Variants in AHR observed in about 807,000 individuals in gnomAD.
AHR encodes the protein aryl hydrocarbon receptor.
A neutral mutation model predicts 86.8 loss-of-function variants in AHR; 40 were observed. That is an observed-to-expected ratio of 0.46 (90% CI 0.36 to 0.60). AHR has a LOEUF of 0.60. AHR is among the 20% of genes least tolerant of loss of function. AHR has a pLI of 0.00. For missense variants in AHR, 1,001 were observed against 1,011.6 expected (o/e 0.99, Z 0.14); for synonymous variants, 398 against 354.9 (o/e 1.12, Z -1.37).
In AHR at chr7:17,309,937, G is replaced by A. The variant is rs140254348; in HGVS notation, c.67G>A (p.Val23Ile). The change falls in exon 2 of 11, where the codon GTA (valine) becomes ATA (isoleucine). Residue 23 changes from valine (V) to isoleucine (I), a missense_variant and splice_region_variant. By Grantham distance (29) the Val-to-Ile change is conservative (BLOSUM62 3). Transcript: ENST00000242057. ...TATGGTATTTTGTTTGTTTTTCAGA[G>A]TAAAGCCAATCCCAGCTGAAGGAAT... ...RKRRKPVQKT[V>I]KPIPAEGIKS... 2.6e-6 allele frequency: 4 copies of A among 1,567,144 alleles called. No homozygotes were observed. Among genetic ancestry groups the A allele is most frequent in the African/African-American group, 1.3e-5 (1 of 74,322 alleles).
chr7:17,310,107 C>T lies in AHR; in HGVS notation c.237C>T (p.Ala79=), dbSNP rs1341203218. The T allele has an allele frequency of 6.2e-7, 1 of 1,613,424 alleles. No individual in the cohort carries two copies. Residue 79 remains alanine, a synonymous_variant, in exon 2 of 11, where the codon GCC becomes GCT. Transcript: ENST00000242057. ...VLRLSVSYLR[A]KSFFDVALKS... is the part of the protein sequence containing the mutation. ...GGCTCAGCGTCAGTTACCTGAGAGC[C>T]AAGAGCTTCTTTGATGGTAAGACAG...
At chr7:17,319,415 T>C (rs1268764088) in intron 2 of AHR, among the ~76,000 whole-genome samples, 1 of 152,172 alleles carries the variant, frequency 6.6e-6, no homozygotes, top group Non-Finnish European at 1.5e-5. Flanking sequence ...GAGGTCTGGC[T>C]ACCTGAGTTT....
chr7:17,332,001 A>G lies in AHR; in HGVS notation c.705+1115A>G, dbSNP rs555896647. Among the ~76,000 whole-genome samples the G allele has an allele frequency of 4.6e-5, 7 of 152,096 alleles. No homozygotes were observed. The South Asian group carries it at 1.2e-3, about 27-fold the overall frequency. On this transcript the variant is annotated intron_variant, in intron 6 of 10. Coordinates refer to ENST00000242057, the MANE Select transcript of AHR (RefSeq NM_001621.5). ...GTTTTCCCAGTGTTATTGCTCATGA[A>G]CAATTAGTATGTAGAGTCATGTCCT... is the stretch of plus-strand genomic sequence containing the variant.
At chr7:17,321,361 AT>A (rs567734856) in intron 2 of AHR, among the ~76,000 whole-genome samples, 29 of 149,268 alleles carry the variant, frequency 1.9e-4, no homozygotes, top group East Asian at 7.8e-4. Context: ...GTGCTTTAAA[AT>A]TTTTTTTTTT....
chr7:17,323,623 C>A lies in AHR; in HGVS notation c.360+1016C>A, dbSNP rs1020732723. Among the ~76,000 whole-genome samples, 14 of 152,132 alleles carry A rather than the reference C, an allele frequency of 9.2e-5. No individual in the cohort carries two copies. In the East Asian group the frequency reaches 2.7e-3, roughly 29 times the overall value. Reference sequence around the variant, plus strand: ...CACTGAACTGACTAGAAAAACTTCACCATTGTTACAAAAAGTAACCCTAAG... The same window carrying A: ...CACTGAACTGACTAGAAAAACTTCAACATTGTTACAAAAAGTAACCCTAAG... On this transcript the variant is annotated intron_variant, in intron 3 of 10. Transcript: ENST00000242057.
In AHR at chr7:17,298,785, G is replaced by A. The variant is rs1584025883; in HGVS notation, c.-480G>A. 1 of 398,148 alleles carries A rather than the reference G, an allele frequency of 2.5e-6. No homozygotes were observed. The highest frequency in any genetic ancestry group is 4.4e-6 in the Non-Finnish European group (1 of 225,746). 24.7% of individuals were successfully genotyped at this position (398,148 alleles called of 1,614,324 possible). A position where few individuals can be genotyped will look rare whatever the true frequency, so the allele number is the denominator to read the frequency against. ...TGGTGGCCCGCGCCCGAGCTCCGCAGGCGGGAAGCACCCTGGATTTAGGAA... is the reference window on the plus strand; with the variant it reads ...TGGTGGCCCGCGCCCGAGCTCCGCAAGCGGGAAGCACCCTGGATTTAGGAA... On this transcript the variant is annotated 5_prime_UTR_variant, in exon 1 of 11. Transcript: ENST00000242057.
At chr7:17,302,770 C>T (rs1584027805) in intron 1 of AHR, among the ~76,000 whole-genome samples, 1 of 151,386 alleles carries the variant, frequency 6.6e-6, no homozygotes, top group African/African-American at 2.4e-5. Context: ...CAGTCAGCAC[C>T]TGTACTGCTA....
intron 2 of AHR, among the ~76,000 whole-genome samples, chr7:17,316,717 A>G (rs960693587): frequency 6.6e-6 from 1 of 152,146 alleles, no homozygotes; most frequent in Admixed American, 6.6e-5. Context: ...AAATTTTCTC[A>G]TACAATTGTC....
At chr7:17,337,023 A>G (rs949532355) in intron 9 of AHR, among the ~76,000 whole-genome samples, 1 of 152,090 alleles carries the variant, frequency 6.6e-6, no homozygotes, top group Non-Finnish European at 1.5e-5. Flanking sequence ...ACAGCATTAC[A>G]ACCCTCATCT....
chr7:17,301,831 G>A lies in AHR; in HGVS notation c.65+2502G>A, dbSNP rs932131568. ...AGTAATGAAGGTTGGGAAATTAAAGGCTCTGAAGCAACTTTACGTCCAATT... is the reference window on the plus strand; with the variant it reads ...AGTAATGAAGGTTGGGAAATTAAAGACTCTGAAGCAACTTTACGTCCAATT... On this transcript the variant is annotated intron_variant, in intron 1 of 10. Transcript: ENST00000242057. 2.6e-5 allele frequency among the ~76,000 whole-genome samples: 4 copies of A among 151,828 alleles called. No individual in the cohort carries two copies. In the East Asian group the frequency reaches 7.7e-4, roughly 29 times the overall value.
chr7:17,315,956 T>G (rs1414403897), intron 2 of AHR, among the ~76,000 whole-genome samples: 3 of 152,238 alleles, frequency 2.0e-5, no homozygotes, highest in African/African-American at 7.2e-5. Context: ...GCCATTAAAG[T>G]GAATAAAATA....
chr7:17,308,700 AAC>A (rs372879452), intron 1 of AHR, among the ~76,000 whole-genome samples: 3,623 of 138,820 alleles, frequency 0.026, 70 homozygotes, highest in African/African-American at 0.035. Context: ...TACATACATA[AAC>A]ACACACACAC....
chr7:17,307,907 C>T (rs959632925), intron 1 of AHR, among the ~76,000 whole-genome samples: 2 of 152,024 alleles, frequency 1.3e-5, no homozygotes, highest in Non-Finnish European at 2.9e-5. Flanking sequence ...CATCAGACAC[C>T]CACATAGCTC....
intron 10 of AHR, 146 bp downstream of exon 10, chr7:17,340,374 T>A: frequency 1.1e-5 from 3 of 276,212 alleles, no homozygotes; most frequent in Non-Finnish European, 1.7e-5. Flanking sequence ...TGTGACTACC[T>A]TTTTTTTTTT....
At chr7:17,311,303 G>A (rs1187408673) in intron 2 of AHR, among the ~76,000 whole-genome samples, 1 of 151,982 alleles carries the variant, frequency 6.6e-6, no homozygotes, top group Non-Finnish European at 1.5e-5. Context: ...AAATCACATA[G>A]GGATCTTGTT....
chr7:17,314,106 T>A (rs1584032528), intron 2 of AHR, among the ~76,000 whole-genome samples: 1 of 152,254 alleles, frequency 6.6e-6, no homozygotes, highest in East Asian at 1.9e-4. Flanking sequence ...AAATTGAGAA[T>A]TCGGGAATGA....
In AHR at chr7:17,339,280, T is replaced by C; in HGVS notation, c.1455T>C (p.Phe485=). 1.2e-6 allele frequency: 2 copies of C among 1,614,198 alleles called. No homozygotes were observed. The highest frequency in any genetic ancestry group is 1.7e-6 in the Non-Finnish European group (2 of 1,180,034). The change falls in exon 10 of 11, where the codon TTT becomes TTC. Residue 485 remains phenylalanine, a synonymous_variant. Transcript: ENST00000242057. ...GTACTGCACCTTTTGAAAACAACTTTTTCAACGAATCTATGAATGAATGCA... is the reference window on the plus strand; with the variant it reads ...GTACTGCACCTTTTGAAAACAACTTCTTCAACGAATCTATGAATGAATGCA... The part of the protein sequence containing the change: ...TSSTAPFENN[F]FNESMNECRN...
Position 17,308,129 on chromosome 7 carries a change from A to G in AHR, c.66-1807A>G, listed in dbSNP as rs1198746351. Among the ~76,000 whole-genome samples, 3 of 152,008 alleles carry G rather than the reference A, an allele frequency of 2.0e-5. No homozygotes were observed. In the South Asian group the frequency reaches 6.2e-4, roughly 31 times the overall value. On this transcript the variant is annotated intron_variant, in intron 1 of 10. Coordinates refer to ENST00000242057, the MANE Select transcript of AHR (RefSeq NM_001621.5). ...TCCATGACAACAGGAGCTTTTGTAT[A>G]TTTTGTTTACCTGTAAGTGTTCTGT...
intron 8 of AHR, 34 bp from the exon 9 acceptor site, chr7:17,335,611 G>A: frequency 2.0e-6 from 3 of 1,515,382 alleles, no homozygotes; most frequent in Non-Finnish European, 2.7e-6. Context: ...TTGATTTGGG[G>A]GTTTGATAAT....
Sources: gnomAD v4.1 joint callset for allele counts (sites outside exome capture counted in the v4.1 genomes callset) on GRCh38, gnomAD v4.1.1 for gene constraint, MANE v1.5 for transcripts, NCBI Gene and HGNC (gene_info 2026-07-23, HGNC 2026-07-21) for gene names.